The following NPEPPS variants were observed in gnomAD, a reference collection of about 807,000 sequenced individuals.
NPEPPS encodes the protein aminopeptidase puromycin sensitive.
NPEPPS carries 14 observed loss-of-function variants against 115.5 expected under a neutral mutation model. That is an observed-to-expected ratio of 0.12 (90% confidence interval 0.08 to 0.19). The LOEUF (loss-of-function observed/expected upper bound fraction) is 0.19. Ranked by LOEUF, NPEPPS falls within the 10% of genes least tolerant of loss-of-function variation. The probability of loss-of-function intolerance (pLI) is 1.00; values close to 1 mark genes in which losing one functional copy is unlikely to be tolerated. For synonymous variants in NPEPPS, 285 were observed against 390.6 expected (o/e 0.73, Z 3.19); for missense variants, 523 against 1,110.8 (o/e 0.47, Z 7.52).
intron 2 of NPEPPS, among the ~76,000 whole-genome samples, chr17:47,564,294 G>C (rs1444974226): frequency 6.6e-6 from 1 of 152,168 alleles, no homozygotes; most frequent in Non-Finnish European, 1.5e-5. Flanking sequence ...TCAGGAGGCT[G>C]AGGTGGGAGG....
intron 9 of NPEPPS, 97 bp from the exon 10 acceptor site, chr17:47,590,620 A>G: frequency 7.4e-7 from 1 of 1,353,634 alleles, no homozygotes; most frequent in Non-Finnish European, 9.9e-7. Flanking sequence ...TTAAATTGTG[A>G]GTTTGGGAAT....
chr17:47,586,913 T>C, intron 8 of NPEPPS: 1 of 396,558 alleles, frequency 2.5e-6, no homozygotes. Flanking sequence ...CCTCATTTAA[T>C]GGAAGGACTT....
chr17:47,615,693 C>G (rs532196712), intron 19 of NPEPPS, among the ~76,000 whole-genome samples: 15 of 152,254 alleles, frequency 9.9e-5, no homozygotes, highest in South Asian at 2.1e-4. Flanking sequence ...TTTTTTCCAT[C>G]TATTCCATGA....
intron 3 of NPEPPS, among the ~76,000 whole-genome samples, chr17:47,573,908 A>G (rs377426648): frequency 2.2e-4 from 33 of 152,306 alleles, no homozygotes; most frequent in Admixed American, 1.0e-3. Flanking sequence ...TTTTAAATCT[A>G]TATCATTACA....
intron 1 of NPEPPS, among the ~76,000 whole-genome samples, chr17:47,539,217 G>A (rs1597813672): frequency 6.7e-6 from 1 of 150,320 alleles, no homozygotes; most frequent in South Asian, 2.1e-4. Flanking sequence ...AAGCTTCTCC[G>A]AACTTTGCCA....
chr17:47,538,489 C>T (rs1908495691), intron 1 of NPEPPS, among the ~76,000 whole-genome samples: 1 of 150,124 alleles, frequency 6.7e-6, no homozygotes, highest in African/African-American at 2.5e-5. Flanking sequence ...GCTGGGATTA[C>T]AGGCATGAAC....
rs3809866 is a variant in NPEPPS at position 47,623,042 on chromosome 17, C to G, written c.*1122C>G. The G allele has an allele frequency of 0.025, 8,891 of 356,618 alleles. 269 individuals carry two copies. Among genetic ancestry groups the G allele is most frequent in the East Asian group, 0.15 (1,561 of 10,160 alleles). 22.1% of individuals were successfully genotyped at this position (356,618 alleles called of 1,614,324 possible). Reference sequence around the variant, plus strand: ...TCCTAATAAGCCTCACCTATTTAATCCAATGAGTTTTAAATCTAAATCTCA... The same window carrying G: ...TCCTAATAAGCCTCACCTATTTAATGCAATGAGTTTTAAATCTAAATCTCA... On this transcript the variant is annotated 3_prime_UTR_variant, in exon 23 of 23. Coordinates refer to ENST00000322157, the MANE Select transcript of NPEPPS (RefSeq NM_006310.4).
intron 3 of NPEPPS, among the ~76,000 whole-genome samples, chr17:47,570,747 A>G (rs1056813807): frequency 6.6e-6 from 1 of 152,372 alleles, no homozygotes. Flanking sequence ...TAAACATGTG[A>G]AAAGATATTG....
upstream of NPEPPS, among the ~76,000 whole-genome samples, chr17:47,530,048 TAC>T (rs1353808715): frequency 2.7e-5 from 4 of 147,216 alleles, no homozygotes; most frequent in East Asian, 8.1e-4. Flanking sequence ...GCGATTCTCC[TAC>T]CTCAGCCTCC....
chr17:47,593,480 A>C (rs1394496833), intron 12 of NPEPPS, among the ~76,000 whole-genome samples: 1 of 152,122 alleles, frequency 6.6e-6, no homozygotes, highest in African/African-American at 2.4e-5. Context: ...GGGTCACTTG[A>C]GCCCAGGAGT....
chr17:47,606,978 A>G (rs996900790), intron 17 of NPEPPS, among the ~76,000 whole-genome samples: 41 of 151,974 alleles, frequency 2.7e-4, no homozygotes, highest in African/African-American at 9.4e-4. Context: ...GTGGATCACA[A>G]GGTCAAGAGT....
intron 9 of NPEPPS, among the ~76,000 whole-genome samples, chr17:47,589,792 T>G (rs1365099092): frequency 6.6e-6 from 1 of 152,218 alleles, no homozygotes; most frequent in Non-Finnish European, 1.5e-5. Flanking sequence ...TAAGCAGTAC[T>G]CTTTCTCAGT....
At chr17:47,524,927 T>C (rs1442243742) in intron 1 of NPEPPS, among the ~76,000 whole-genome samples, 1 of 150,886 alleles carries the variant, frequency 6.6e-6, no homozygotes, top group East Asian at 1.9e-4. Context: ...TTTTTATTGA[T>C]ATATATGGAC....
chr17:47,577,853 C>T (rs1477109601), intron 3 of NPEPPS, among the ~76,000 whole-genome samples: 1 of 152,118 alleles, frequency 6.6e-6, no homozygotes. Context: ...ACTTTTGGTC[C>T]TTTCCAAAAG....
At chr17:47,591,234 G>A (rs868849178) in intron 10 of NPEPPS, among the ~76,000 whole-genome samples, 2 of 151,922 alleles carry the variant, frequency 1.3e-5, no homozygotes, top group Non-Finnish European at 2.9e-5. Flanking sequence ...AGCTGGGCAC[G>A]GTGGCGCATG....
At chr17:47,618,283 C>T in intron 19 of NPEPPS, 67 bp from the exon 20 acceptor site, 1 of 1,015,346 alleles carries the variant, frequency 9.8e-7, no homozygotes, top group Non-Finnish European at 1.5e-6. Flanking sequence ...GGAAGAAGCT[C>T]ATATAATCAT....
chr17:47,543,419 G>GAGCAAAACTT (rs1908930918), intron 1 of NPEPPS, among the ~76,000 whole-genome samples: 1 of 150,922 alleles, frequency 6.6e-6, no homozygotes. Context: ...CTGGGTTCAA[G>GAGCAAAACTT]TGATTCTCCT....
At chr17:47,613,257 C>CTTTTTTTTT (rs753383358) in intron 18 of NPEPPS, among the ~76,000 whole-genome samples, 3 of 98,232 alleles carry the variant, frequency 3.1e-5, no homozygotes, top group African/African-American at 8.5e-5. Context: ...ATAATATTTA[C>CTTTTTTTTT]TTTTTTTTTT....
chr17:47,605,912 T>C (rs1397638464), intron 17 of NPEPPS, among the ~76,000 whole-genome samples: 1 of 152,224 alleles, frequency 6.6e-6, no homozygotes, highest in Non-Finnish European at 1.5e-5. Flanking sequence ...AGTTTCATTC[T>C]TGTTGCCTAG....
Sources: gnomAD v4.1 joint callset for allele counts (sites outside exome capture counted in the v4.1 genomes callset) on GRCh38, gnomAD v4.1.1 for gene constraint, MANE v1.5 for transcripts, NCBI Gene and HGNC (gene_info 2026-07-23, HGNC 2026-07-21) for gene names.